The following RANBP2 variants were observed in gnomAD, a reference collection of about 807,000 sequenced individuals.
RANBP2 encodes the protein RAN binding protein 2, also known as E3 SUMO-protein ligase RanBP2.
RANBP2 carries 57 observed loss-of-function variants against 303.6 expected under a neutral mutation model. The observed-to-expected ratio is 0.19, with a 90% CI of 0.15 to 0.23. RANBP2 has a LOEUF of 0.23. Among genes scored for constraint, RANBP2 ranks in the 10% least tolerant of loss-of-function variants. RANBP2 has a pLI of 1.00. For missense variants in RANBP2, 3,138 were observed against 3,780.8 expected, an observed-to-expected ratio of 0.83 and a Z score of 4.46; for synonymous variants, 1,167 against 1,301.5, an observed-to-expected ratio of 0.90 and a Z score of 2.23.
At chr2:108,743,215 C>G (rs1473371082) in intron 7 of RANBP2, among the ~76,000 whole-genome samples, 1 of 152,160 alleles carries the variant, frequency 6.6e-6, no homozygotes, top group Non-Finnish European at 1.5e-5. Flanking sequence ...GAACTGGGCT[C>G]AAGCTTCCCA....
chr2:109,505,666 C>A, the RANBP2 span, among the ~76,000 whole-genome samples: 1 of 152,208 alleles, frequency 6.6e-6, no homozygotes, highest in Non-Finnish European at 1.5e-5. Context: ...CTCTTGCCTC[C>A]ATTTGCTACG....
At chr2:109,540,914 T>C in the RANBP2 span, among the ~76,000 whole-genome samples, 1 of 152,254 alleles carries the variant, frequency 6.6e-6, no homozygotes, top group African/African-American at 2.4e-5. Context: ...ACTGTTCTCT[T>C]GTAAACTACA....
chr2:109,355,579 GCA>G, the RANBP2 span, among the ~76,000 whole-genome samples: 1 of 152,182 alleles, frequency 6.6e-6, no homozygotes, highest in South Asian at 2.1e-4. Flanking sequence ...GTGACATAGA[GCA>G]CAGCACTATC....
At chr2:109,299,542 G>A in the RANBP2 span, among the ~76,000 whole-genome samples, 7 of 152,192 alleles carry the variant, frequency 4.6e-5, no homozygotes, top group East Asian at 9.7e-4. Context: ...GGAGGACTGC[G>A]CTCCCAGGGG....
At chr2:109,538,340 G>T in the RANBP2 span, among the ~76,000 whole-genome samples, 1 of 152,196 alleles carries the variant, frequency 6.6e-6, no homozygotes, top group African/African-American at 2.4e-5. Flanking sequence ...CCACATCTGT[G>T]AAGTCCTGTT....
the RANBP2 span, among the ~76,000 whole-genome samples, chr2:108,938,498 C>T: frequency 2.0e-5 from 3 of 152,178 alleles, no homozygotes; most frequent in African/African-American, 4.8e-5. Context: ...ACGAAAATAA[C>T]GTGGCTTGCA....
chr2:108,838,747 A>G, the RANBP2 span, among the ~76,000 whole-genome samples: 1 of 152,178 alleles, frequency 6.6e-6, no homozygotes, highest in East Asian at 1.9e-4. Context: ...ATCCTTTCAT[A>G]TATCTTTTTC....
the RANBP2 span, among the ~76,000 whole-genome samples, chr2:109,604,364 A>G: frequency 2.4e-5 from 2 of 83,734 alleles, no homozygotes; most frequent in African/African-American, 4.7e-5. Context: ...AAAAAGAAAG[A>G]AAGGAAAGAA....
the RANBP2 span, among the ~76,000 whole-genome samples, chr2:108,966,663 T>C: frequency 6.6e-6 from 1 of 152,214 alleles, no homozygotes; most frequent in Non-Finnish European, 1.5e-5. Flanking sequence ...TGTTTGGCTA[T>C]AGGGGTTCTG....
At chr2:109,615,783 C>T in the RANBP2 span, 985 of 1,614,074 alleles carry the variant, frequency 6.1e-4, 7 homozygotes, top group African/African-American at 0.012. Context: ...CTCACACGCC[C>T]TAGAAGATGG....
Position 108,751,701 on chromosome 2 carries a change from A to C in RANBP2, c.1629A>C (p.Ala543=), listed in dbSNP as rs767587681. 1 of 1,610,236 alleles carries C rather than the reference A, an allele frequency of 6.2e-7. No individual in the cohort carries two copies. The highest frequency in any genetic ancestry group is 8.5e-7 in the Non-Finnish European group (1 of 1,179,158). Reference sequence around the variant, plus strand: ...TTTGTACTCTGATTCACAGAAAAGCAGTGTAAGTAGTAAAACAAAAATATT... The same window carrying C: ...TTTGTACTCTGATTCACAGAAAAGCCGTGTAAGTAGTAAAACAAAAATATT... The part of the protein sequence containing the change: ...DAVCTLIHRK[A]VPGNVAKLRL... The change falls in exon 11 of 29, where the codon GCA becomes GCC. Residue 543 remains alanine, a splice_region_variant and synonymous_variant. Coordinates refer to ENST00000283195, the MANE Select transcript of RANBP2 (RefSeq NM_006267.5).
the RANBP2 span, among the ~76,000 whole-genome samples, chr2:109,471,298 G>C: frequency 2.0e-5 from 3 of 152,028 alleles, no homozygotes; most frequent in Admixed American, 6.5e-5. Context: ...AGTTTCAGCT[G>C]GGGGTGCCAC....
chr2:108,939,954 TCA>T, the RANBP2 span, among the ~76,000 whole-genome samples: 1 of 152,206 alleles, frequency 6.6e-6, no homozygotes, highest in African/African-American at 2.4e-5. Flanking sequence ...TGAACGTGTC[TCA>T]GTGACGCTGA....
At chr2:109,450,398 G>A in the RANBP2 span, among the ~76,000 whole-genome samples, 1 of 151,892 alleles carries the variant, frequency 6.6e-6, no homozygotes, top group African/African-American at 2.4e-5. Context: ...ACTTGTTCCG[G>A]TTGCCACCCT....
At chr2:108,727,648 C>T (rs1229892289) in intron 1 of RANBP2, among the ~76,000 whole-genome samples, 11 of 147,018 alleles carry the variant, frequency 7.5e-5, no homozygotes, top group East Asian at 2.0e-4. Flanking sequence ...CTGTTGCCCA[C>T]GCTGGAGTGC....
At chr2:108,819,689 G>A in the RANBP2 span, among the ~76,000 whole-genome samples, 1 of 152,162 alleles carries the variant, frequency 6.6e-6, no homozygotes, top group African/African-American at 2.4e-5. Context: ...ATTCATGAAT[G>A]TGTTTCCCTG....
At chr2:109,152,608 T>C in the RANBP2 span, among the ~76,000 whole-genome samples, 1 of 152,268 alleles carries the variant, frequency 6.6e-6, no homozygotes, top group Non-Finnish European at 1.5e-5. Flanking sequence ...GATTTATATT[T>C]AAAGCTGTGG....
At chr2:109,235,510 G>A in the RANBP2 span, among the ~76,000 whole-genome samples, 2 of 152,216 alleles carry the variant, frequency 1.3e-5, no homozygotes, top group Non-Finnish European at 2.9e-5. Flanking sequence ...GGCACATGGG[G>A]CCATCTGGTC....
chr2:108,980,009 A>G, the RANBP2 span, among the ~76,000 whole-genome samples: 1 of 148,560 alleles, frequency 6.7e-6, no homozygotes, highest in Non-Finnish European at 1.5e-5. Context: ...AGTGTGATGC[A>G]TTCACCTCTC....
Sources: allele counts gnomAD v4.1 joint callset (sites outside exome capture counted in the v4.1 genomes callset), GRCh38; gene constraint gnomAD v4.1.1; transcripts MANE v1.5; gene names NCBI Gene and HGNC (gene_info 2026-07-23, HGNC 2026-07-21).